SCN2A: variants seen among roughly 807,000 people sequenced by gnomAD.
The protein encoded by SCN2A is sodium voltage-gated channel alpha subunit 2.
In SCN2A, 20 loss-of-function variants were observed where a neutral mutation model predicts 188.7. That is an observed-to-expected ratio of 0.11 (90% CI 0.07 to 0.15). The LOEUF (loss-of-function observed/expected upper bound fraction) is 0.15, where lower values mean the gene tolerates loss of function less well. Among genes scored for constraint, SCN2A ranks in the 10% least tolerant of loss-of-function variants. SCN2A has a pLI of 1.00. For missense variants in SCN2A, 1,278 were observed against 2,445.0 expected, an observed-to-expected ratio of 0.52 and a Z score of 10.07; for synonymous variants, 804 against 833.1, an observed-to-expected ratio of 0.97 and a Z score of 0.60.
chr2:165,298,087 T>G (rs1696604691), intron 3 of SCN2A, among the ~76,000 whole-genome samples: 1 of 151,796 alleles, frequency 6.6e-6, no homozygotes, highest in Non-Finnish European at 1.5e-5. Context: ...GGAGGAGGAG[T>G]GATATGCTTC....
intron 1 of SCN2A, among the ~76,000 whole-genome samples, chr2:165,282,023 AG>A (rs1287077347): frequency 6.6e-6 from 1 of 151,994 alleles, no homozygotes; most frequent in Non-Finnish European, 1.5e-5. Context: ...ACCTTTTTCC[AG>A]CAACTATTGC....
At chr2:165,297,628 A>G (rs1280779408) in intron 3 of SCN2A, among the ~76,000 whole-genome samples, 1 of 152,212 alleles carries the variant, frequency 6.6e-6, no homozygotes. Flanking sequence ...AAGCGTTTAC[A>G]ATTGTGTCTG....
chr2:165,263,742 C>G (rs1388215243), intron 1 of SCN2A, among the ~76,000 whole-genome samples: 1 of 151,838 alleles, frequency 6.6e-6, no homozygotes, highest in African/African-American at 2.4e-5. Flanking sequence ...TTTTCTAGTT[C>G]TATGAAGAAT....
At chr2:165,337,376 TAGAA>T (rs917761207) in intron 14 of SCN2A, among the ~76,000 whole-genome samples, 3 of 151,684 alleles carry the variant, frequency 2.0e-5, no homozygotes, top group African/African-American at 7.3e-5. Context: ...AAGGAGAAAA[TAGAA>T]AGAATGGAAC....
At chr2:165,328,277 C>A (rs1224042614) in intron 13 of SCN2A, 1 of 152,920 alleles carries the variant, frequency 6.5e-6, no homozygotes, top group Non-Finnish European at 1.5e-5. Flanking sequence ...TTTCAGTATC[C>A]TAATGCAATT....
At chr2:165,327,362 C>T (rs1478009249) in intron 13 of SCN2A, 1 of 202,688 alleles carries the variant, frequency 4.9e-6, no homozygotes, top group African/African-American at 2.4e-5. Flanking sequence ...AATCCTATGA[C>T]TTAACCAGAA....
intron 3 of SCN2A, among the ~76,000 whole-genome samples, chr2:165,303,780 A>G (rs1696971025): frequency 6.6e-6 from 1 of 152,154 alleles, no homozygotes; most frequent in Non-Finnish European, 1.5e-5. Context: ...TAAAAGCAAA[A>G]TTGTTCTTTT....
intron 17 of SCN2A, 90 bp downstream of exon 17, chr2:165,354,761 C>A: frequency 1.5e-6 from 2 of 1,324,820 alleles, no homozygotes; most frequent in Non-Finnish European, 2.1e-6. Context: ...TGTTTCCTTC[C>A]TGTTAAGAAA....
At chr2:165,250,933 A>G (rs1335009276) in intron 1 of SCN2A, among the ~76,000 whole-genome samples, 1 of 152,052 alleles carries the variant, frequency 6.6e-6, no homozygotes, top group East Asian at 1.9e-4. Flanking sequence ...TAATTGACTC[A>G]ACCAAAAAAA....
At chr2:165,285,888 T>C in intron 1 of SCN2A, 1 of 213,812 alleles carries the variant, frequency 4.7e-6, no homozygotes, top group Non-Finnish European at 9.7e-6. Flanking sequence ...GAAAGAGATT[T>C]CTACTTCAGA....
chr2:165,355,153 C>T (rs573441939), intron 17 of SCN2A, among the ~76,000 whole-genome samples: 2 of 152,306 alleles, frequency 1.3e-5, no homozygotes, highest in East Asian at 3.9e-4. Flanking sequence ...CAAGGAAGAT[C>T]TGATTGGGAT....
At chr2:165,303,542 T>A (rs1279747877) in intron 3 of SCN2A, among the ~76,000 whole-genome samples, 1 of 152,182 alleles carries the variant, frequency 6.6e-6, no homozygotes, top group East Asian at 1.9e-4. Flanking sequence ...CCCAAAGTGC[T>A]GGGATTACAG....
intron 23 of SCN2A, among the ~76,000 whole-genome samples, chr2:165,378,327 GT>G (rs397763725): frequency 4.0e-3 from 586 of 145,880 alleles, no homozygotes; most frequent in African/African-American, 0.012. Flanking sequence ...AATTCCTGAG[GT>G]TTTTTTTTTT....
intron 14 of SCN2A, among the ~76,000 whole-genome samples, chr2:165,333,527 T>C (rs1485744945): frequency 6.6e-6 from 1 of 151,804 alleles, no homozygotes; most frequent in Non-Finnish European, 1.5e-5. Flanking sequence ...ATTTGGAAAT[T>C]AAACAACTTG....
At position 165,239,654 on chromosome 2, in the gene SCN2A, A is replaced by G. The variant is rs985262301; in HGVS notation, c.-52+14A>G. 1 of 978,390 alleles carries G rather than the reference A, an allele frequency of 1.0e-6. No individual in the cohort carries two copies. Among genetic ancestry groups the G allele is most frequent in the African/African-American group, 1.8e-5 (1 of 57,096 alleles). 60.6% of individuals were successfully genotyped at this position (978,390 alleles called of 1,614,324 possible). A position where few individuals can be genotyped will look rare whatever the true frequency, so the allele number is the denominator to read the frequency against. On this transcript the variant is annotated intron_variant, in intron 1 of 26. Coordinates refer to ENST00000375437, the MANE Select transcript of SCN2A (RefSeq NM_001040142.2). ...TCTTTATTTCAGGTAAGCCAGCATG[A>G]TTCTATTTTTGACTTATCCACGGAT...
chr2:165,294,401 C>G (rs1198770710), intron 1 of SCN2A, among the ~76,000 whole-genome samples: 1 of 152,236 alleles, frequency 6.6e-6, no homozygotes, highest in Non-Finnish European at 1.5e-5. Context: ...TTTGGAGGCA[C>G]TATAATACTG....
intron 13 of SCN2A, among the ~76,000 whole-genome samples, chr2:165,328,730 A>G (rs3769941): frequency 0.22 from 33,921 of 152,118 alleles, 4,408 homozygotes; most frequent in East Asian, 0.36. Flanking sequence ...TAGGATGGAA[A>G]GGATGTTCTA....
intron 2 of SCN2A, 192 bp from the exon 3 acceptor site, chr2:165,296,825 A>G (rs1191694229): frequency 2.0e-5 from 8 of 403,600 alleles, no homozygotes. Flanking sequence ...TCCTCATGTC[A>G]TTTATCAAAT....
rs933880291 is a variant in SCN2A at position 165,363,417 on chromosome 2, G to C, written c.3400-1726G>C. On this transcript the variant is annotated intron_variant, in intron 17 of 26. Coordinates refer to ENST00000375437, the MANE Select transcript of SCN2A (RefSeq NM_001040142.2). The stretch of plus-strand genomic sequence containing the variant: ...TTGTGGATTGTCTGTACTTCCATCA[G>C]ATGTGACTCAGCTTCAGTTTTTCTG... Among the ~76,000 whole-genome samples the C allele has an allele frequency of 3.3e-5, 5 of 152,102 alleles. No individual in the cohort carries two copies. In the East Asian group the frequency reaches 9.6e-4, roughly 29 times the overall value.
Sources: gnomAD v4.1 joint callset for allele counts (sites outside exome capture counted in the v4.1 genomes callset) on GRCh38, gnomAD v4.1.1 for gene constraint, MANE v1.5 for transcripts, NCBI Gene and HGNC (gene_info 2026-07-23, HGNC 2026-07-21) for gene names.